Variants in WDFY3 observed in about 807,000 individuals in gnomAD.
The protein encoded by WDFY3 is WD repeat and FYVE domain containing 3.
A neutral mutation model predicts 409.6 loss-of-function variants in WDFY3; 66 were observed. The observed-to-expected ratio is 0.16, with a 90% confidence interval of 0.13 to 0.20. WDFY3 has a LOEUF of 0.20. Ranked by LOEUF, WDFY3 falls within the 10% of genes least tolerant of loss-of-function variation. The probability of loss-of-function intolerance (pLI) is 1.00; values close to 1 mark genes in which losing one functional copy is unlikely to be tolerated. For synonymous variants in WDFY3, 1,521 were observed against 1,537.1 expected (o/e 0.99, Z 0.25); for missense variants, 3,031 against 4,298.1 (o/e 0.71, Z 8.24).
At chr4:84,851,918 A>G (rs1017516221) in intron 4 of WDFY3, among the ~76,000 whole-genome samples, 2 of 151,574 alleles carry the variant, frequency 1.3e-5, no homozygotes, top group Admixed American at 6.6e-5. Context: ...ACTGGCAACA[A>G]TAATAATAAA....
chr4:84,739,489 T>G (rs1384223736), intron 39 of WDFY3, among the ~76,000 whole-genome samples: 2 of 152,214 alleles, frequency 1.3e-5, no homozygotes, highest in Non-Finnish European at 2.9e-5. Context: ...TGTAGTGAAG[T>G]AGTTGCAGTT....
Position 84,803,419 on chromosome 4 carries a change from A to G in WDFY3, c.2478T>C (p.Asn826=), listed in dbSNP as rs1461410832. 3.1e-6 allele frequency: 5 copies of G among 1,613,944 alleles called. No homozygotes were observed. The highest frequency in any genetic ancestry group is 1.1e-5 in the South Asian group (1 of 91,060). ...TCACATGTAGTTTCAGGTCGGCAAC[A>G]TTTTTAGGAGGGTAAACAGGGGGAG... ...VSTPPVYPPK[N]VADLKLHVTT... The change falls in exon 16 of 68, where the codon AAT becomes AAC. Residue 826 remains asparagine, a synonymous_variant. Coordinates refer to ENST00000295888, the MANE Select transcript of WDFY3 (RefSeq NM_014991.6).
chr4:84,835,888 T>C (rs1387278213), intron 7 of WDFY3, among the ~76,000 whole-genome samples: 1 of 152,054 alleles, frequency 6.6e-6, no homozygotes, highest in Non-Finnish European at 1.5e-5. Flanking sequence ...TACCTTTACA[T>C]ATTATGTCAT....
intron 2 of WDFY3, among the ~76,000 whole-genome samples, chr4:84,902,186 G>T (rs1022196137): frequency 6.6e-6 from 1 of 152,064 alleles, no homozygotes; most frequent in Admixed American, 6.6e-5. Context: ...ACTATACATG[G>T]TCTGCAATTT....
chr4:84,726,840 T>C (rs768251432), intron 45 of WDFY3, 21 bp downstream of exon 45: 21 of 1,591,196 alleles, frequency 1.3e-5, no homozygotes, highest in Non-Finnish European at 1.7e-5. Flanking sequence ...TTACATTCTT[T>C]TACTGTAATT....
In WDFY3 at chr4:84,724,606, C is replaced by T. The variant is rs753029571; in HGVS notation, c.7273-12G>A. On this transcript the variant is annotated splice_polypyrimidine_tract_variant and intron_variant, in intron 45 of 67. Coordinates refer to ENST00000295888, the MANE Select transcript of WDFY3 (RefSeq NM_014991.6). Reference sequence around the variant, plus strand: ...TATCGAGCAGGTTTCTAAGAAATGACAAAAGAAAATGACTCCGATAACTAT... The same window carrying T: ...TATCGAGCAGGTTTCTAAGAAATGATAAAAGAAAATGACTCCGATAACTAT... 48 of 1,602,086 alleles carry T rather than the reference C, an allele frequency of 3.0e-5. No individual in the cohort carries two copies. Among genetic ancestry groups the T allele is most frequent in the Non-Finnish European group, 4.0e-5 (47 of 1,175,100 alleles).
chr4:84,783,314 G>A (rs781532169), intron 24 of WDFY3, among the ~76,000 whole-genome samples: 7 of 152,078 alleles, frequency 4.6e-5, no homozygotes, highest in Non-Finnish European at 7.4e-5. Context: ...GAAACATGGC[G>A]AGACCCCCAT....
intron 4 of WDFY3, among the ~76,000 whole-genome samples, chr4:84,858,164 C>T (rs1760034034): frequency 6.6e-6 from 1 of 152,072 alleles, no homozygotes; most frequent in African/African-American, 2.4e-5. Flanking sequence ...GTACACATTT[C>T]TTGGGACAAA....
chr4:84,765,359 A>G (rs955336417), intron 32 of WDFY3, among the ~76,000 whole-genome samples: 1 of 152,218 alleles, frequency 6.6e-6, no homozygotes, highest in Admixed American at 6.5e-5. Flanking sequence ...TTGGAACTAA[A>G]TAAAATGAAT....
chr4:84,717,786 C>T (rs183432517), intron 48 of WDFY3, among the ~76,000 whole-genome samples: 58 of 152,212 alleles, frequency 3.8e-4, no homozygotes, highest in African/African-American at 1.3e-3. Context: ...GTATTCTTCA[C>T]GCCTGTAATC....
Position 84,861,590 on chromosome 4 carries a change from G to A in WDFY3, c.-31-968C>T, listed in dbSNP as rs553852934. On this transcript the variant is annotated intron_variant, in intron 3 of 67. Coordinates refer to ENST00000295888, the MANE Select transcript of WDFY3 (RefSeq NM_014991.6). ...GTAAGTCATGTTAAATCATTTAGTGGATAATGATGAGCATTTTTCAAAGAA... is the reference window on the plus strand; with the variant it reads ...GTAAGTCATGTTAAATCATTTAGTGAATAATGATGAGCATTTTTCAAAGAA... Among the ~76,000 whole-genome samples, 36 of 152,128 alleles carry A rather than the reference G, an allele frequency of 2.4e-4. No individual in the cohort carries two copies. The South Asian group carries it at 7.5e-3, about 32-fold the overall frequency.
intron 25 of WDFY3, 28 bp from the exon 26 acceptor site, chr4:84,780,326 A>C: frequency 6.3e-7 from 1 of 1,583,448 alleles, no homozygotes; most frequent in Non-Finnish European, 8.6e-7. Flanking sequence ...AAAAATAATT[A>C]AGATAAATTC....
chr4:84,776,134 CAT>C (rs1425442915), intron 27 of WDFY3, among the ~76,000 whole-genome samples: 3 of 151,818 alleles, frequency 2.0e-5, no homozygotes, highest in Non-Finnish European at 2.9e-5. Flanking sequence ...GGATTATAAA[CAT>C]ATAGAAGTAA....
intron 10 of WDFY3, 150 bp from the exon 11 acceptor site, chr4:84,821,701 T>C (rs981406278): frequency 6.2e-6 from 4 of 641,958 alleles, no homozygotes; most frequent in Non-Finnish European, 1.0e-5. Context: ...TTATTTTTCT[T>C]CATCAGGTTC....
At chr4:84,802,870 C>T (rs933044666) in intron 16 of WDFY3, among the ~76,000 whole-genome samples, 2 of 152,132 alleles carry the variant, frequency 1.3e-5, no homozygotes, top group African/African-American at 4.8e-5. Flanking sequence ...GCCTTAGAGG[C>T]TATATAACAT....
At position 84,906,478 on chromosome 4, in the gene WDFY3, A is replaced by C. The variant is rs556584035; in HGVS notation, c.-131-9468T>G. On this transcript the variant is annotated intron_variant, in intron 2 of 67. Coordinates refer to ENST00000295888, the MANE Select transcript of WDFY3 (RefSeq NM_014991.6). ...TATATGCAAAATGACTATAGCCTCA[A>C]AAATATGTGTAATATTTTAATAAAA... Among the ~76,000 whole-genome samples, 8 of 152,318 alleles carry C rather than the reference A, an allele frequency of 5.3e-5. No homozygotes were observed. In the South Asian group the frequency reaches 1.7e-3, roughly 32 times the overall value.
chr4:84,753,507 A>G lies in WDFY3; in HGVS notation c.5739+190T>C, dbSNP rs560826196. ...AGAGTTCACTGTGATTTTAGGAGAA[A>G]GCAGAAGGAAACTGTGGGGAGCTGG... is the stretch of plus-strand genomic sequence containing the variant. On this transcript the variant is annotated intron_variant, in intron 35 of 67. Coordinates refer to ENST00000295888, the MANE Select transcript of WDFY3 (RefSeq NM_014991.6). 1.4e-4 allele frequency among the ~76,000 whole-genome samples: 22 copies of G among 152,318 alleles called. No homozygotes were observed. The South Asian group carries it at 4.4e-3, about 30-fold the overall frequency.
chr4:84,840,518 A>C (rs1757178819), intron 6 of WDFY3, among the ~76,000 whole-genome samples: 1 of 152,144 alleles, frequency 6.6e-6, no homozygotes, highest in South Asian at 2.1e-4. Context: ...AGAGCTCCTG[A>C]GCTACTTGCC....
intron 3 of WDFY3, among the ~76,000 whole-genome samples, chr4:84,873,314 A>T (rs1009062438): frequency 3.9e-5 from 6 of 152,246 alleles, no homozygotes; most frequent in African/African-American, 1.4e-4. Flanking sequence ...AAGAACAGAA[A>T]TCATACAAAG....
Sources: allele counts gnomAD v4.1 joint callset (sites outside exome capture counted in the v4.1 genomes callset), GRCh38; gene constraint gnomAD v4.1.1; transcripts MANE v1.5; gene names NCBI Gene and HGNC (gene_info 2026-07-23, HGNC 2026-07-21).